The following ANKRD28 variants were observed in gnomAD, a reference collection of about 807,000 sequenced individuals.
ANKRD28 encodes serine/threonine-protein phosphatase 6 regulatory ankyrin repeat subunit A.
Under a neutral mutation model 126.5 loss-of-function variants are expected in ANKRD28, and 44 were observed. The ratio of observed to expected loss-of-function variants is 0.35; its 90% confidence interval spans 0.27 to 0.45. The LOEUF is 0.45. ANKRD28 is among the 20% of genes least tolerant of loss of function. The probability of loss-of-function intolerance (pLI) is 1.00; values close to 1 mark genes in which losing one functional copy is unlikely to be tolerated. For missense variants in ANKRD28, 1,110 were observed against 1,316.6 expected (o/e 0.84, Z 2.43); for synonymous variants, 442 against 468.5 (o/e 0.94, Z 0.73).
intron 1 of ANKRD28, among the ~76,000 whole-genome samples, chr3:15,832,609 C>A (rs2061229957): frequency 6.6e-6 from 1 of 152,106 alleles, no homozygotes; most frequent in Admixed American, 6.5e-5. Flanking sequence ...CAACCCTTGC[C>A]CACCTCCCAC....
At chr3:15,726,947 T>A (rs1216419245) in intron 6 of ANKRD28, among the ~76,000 whole-genome samples, 4 of 152,236 alleles carry the variant, frequency 2.6e-5, no homozygotes, top group Admixed American at 6.5e-5. Context: ...AAAGCCTGGA[T>A]GACAACACAT....
intron 2 of ANKRD28, among the ~76,000 whole-genome samples, chr3:15,775,593 T>G (rs2059225240): frequency 6.6e-6 from 1 of 152,208 alleles, no homozygotes; most frequent in Admixed American, 6.5e-5. Flanking sequence ...TTTCTCAGGT[T>G]TGATTAGTTT....
chr3:15,676,847 T>C lies in ANKRD28; in HGVS notation c.2873+127A>G, dbSNP rs974029784. 3 of 664,562 alleles carry C rather than the reference T, an allele frequency of 4.5e-6. No homozygotes were observed. The African/African-American group carries it at 5.5e-5, about 12-fold the overall frequency. 41.2% of individuals were successfully genotyped at this position (664,562 alleles called of 1,614,324 possible). A position where few individuals can be genotyped will look rare whatever the true frequency, so the allele number is the denominator to read the frequency against. On this transcript the variant is annotated intron_variant, in intron 26 of 27. Coordinates refer to ENST00000683139, the MANE Select transcript of ANKRD28 (RefSeq NM_001349278.2). ...TTTTAGAAATGAGTTTTGACAGTTGTAAAACTATTAAAATTGCTTCTATGA... is the reference window on the plus strand; with the variant it reads ...TTTTAGAAATGAGTTTTGACAGTTGCAAAACTATTAAAATTGCTTCTATGA...
intron 2 of ANKRD28, chr3:15,781,495 T>C (rs139404913): frequency 2.6e-5 from 4 of 152,224 alleles, no homozygotes; most frequent in Non-Finnish European, 5.9e-5. Context: ...AAATATTACA[T>C]TGTACTCTAC....
chr3:15,704,097 G>A (rs886288242), intron 14 of ANKRD28, among the ~76,000 whole-genome samples: 2 of 152,064 alleles, frequency 1.3e-5, no homozygotes, highest in African/African-American at 2.4e-5. Context: ...AGCCCTATAC[G>A]TATCTGCAAC....
At chr3:15,774,984 C>T (rs958354438) in intron 2 of ANKRD28, among the ~76,000 whole-genome samples, 1 of 115,896 alleles carries the variant, frequency 8.6e-6, no homozygotes, top group Non-Finnish European at 1.7e-5. Flanking sequence ...TCAAGCGATT[C>T]TCCTGCCTCA....
chr3:15,687,201 C>A (rs962823004), intron 18 of ANKRD28, among the ~76,000 whole-genome samples: 2 of 152,070 alleles, frequency 1.3e-5, no homozygotes, highest in Non-Finnish European at 2.9e-5. Context: ...CCTCGGCCTC[C>A]CAAAGTGCTG....
chr3:15,780,014 G>A (rs2059470245), intron 2 of ANKRD28, among the ~76,000 whole-genome samples: 1 of 152,086 alleles, frequency 6.6e-6, no homozygotes, highest in Non-Finnish European at 1.5e-5. Context: ...TAAGACGAGG[G>A]ACAAGAATGC....
In ANKRD28 at chr3:15,667,577, A is replaced by G. The variant is rs987551808; in HGVS notation, c.*2693T>C. On this transcript the variant is annotated 3_prime_UTR_variant, in exon 28 of 28. Transcript: ENST00000683139. Reference sequence around the variant, plus strand: ...AGGTGTAACCATAAAGGAAATTTCTACGGTGCTGTGTTCATTCATTCAAGT... The same window carrying G: ...AGGTGTAACCATAAAGGAAATTTCTGCGGTGCTGTGTTCATTCATTCAAGT... 2.6e-5 allele frequency: 4 copies of G among 152,268 alleles called. No homozygotes were observed. The highest frequency in any genetic ancestry group is 9.6e-5 in the African/African-American group (4 of 41,480). 9.4% of individuals were successfully genotyped at this position (152,268 alleles called of 1,614,324 possible). A position where few individuals can be genotyped will look rare whatever the true frequency, so the allele number is the denominator to read the frequency against.
In ANKRD28 at chr3:15,833,114, T is replaced by C. The variant is rs997240140; in HGVS notation, c.27+26263A>G. 1.3e-5 allele frequency among the ~76,000 whole-genome samples: 2 copies of C among 152,164 alleles called. No individual in the cohort carries two copies. The highest frequency in any genetic ancestry group is 2.9e-5 in the Non-Finnish European group (2 of 68,020). On this transcript the variant is annotated intron_variant, in intron 1 of 27. Coordinates refer to the ANKRD28 transcript ENST00000399451. This position sits in a 1 kb window ranked among gnomAD's most constrained non-coding sequence, Gnocchi z 4.4. Reference sequence around the variant, plus strand: ...TGGTTAAAACTGAGTGTCAACTTGATTGGATTGAAGGATGCAAAGTATTGA... The same window carrying C: ...TGGTTAAAACTGAGTGTCAACTTGACTGGATTGAAGGATGCAAAGTATTGA...
chr3:15,848,806 A>G (rs752464915), intron 1 of ANKRD28, among the ~76,000 whole-genome samples: 10 of 152,204 alleles, frequency 6.6e-5, no homozygotes, highest in Non-Finnish European at 1.3e-4. Context: ...GATCATGAAC[A>G]AGACAAGGAT....
At chr3:15,859,085 C>G (rs1289853231) in intron 1 of ANKRD28, among the ~76,000 whole-genome samples, 1 of 152,194 alleles carries the variant, frequency 6.6e-6, no homozygotes, top group Non-Finnish European at 1.5e-5. Context: ...AAAGAGGAAG[C>G]GATTGCCCGG....
chr3:15,735,651 A>G (rs571930801), intron 5 of ANKRD28, among the ~76,000 whole-genome samples, 154 bp from the exon 6 acceptor site: 54 of 152,314 alleles, frequency 3.5e-4, no homozygotes, highest in African/African-American at 1.3e-3. Flanking sequence ...AGGTCATTTA[A>G]CATAACAGGA....
intron 8 of ANKRD28, among the ~76,000 whole-genome samples, chr3:15,720,061 G>C (rs528896885): frequency 6.6e-6 from 1 of 152,010 alleles, no homozygotes; most frequent in African/African-American, 2.4e-5. Flanking sequence ...GTGGAGCCAG[G>C]TTATGCTGTC....
intron 4 of ANKRD28, among the ~76,000 whole-genome samples, chr3:15,745,845 T>C (rs1272506109): frequency 6.6e-6 from 1 of 152,176 alleles, no homozygotes. Context: ...TCCATGAGCA[T>C]GGGATATGTT....
rs549347818 is a variant in ANKRD28, at chr3:15,817,863, T to G, written c.28-22557A>C. 6.6e-6 allele frequency among the ~76,000 whole-genome samples: 1 copy of G among 152,282 alleles called. No individual in the cohort carries two copies. The highest frequency in any genetic ancestry group is 2.4e-5 in the African/African-American group (1 of 41,558). The stretch of plus-strand genomic sequence containing the variant: ...TGCTTGCATTCACAGACAACATGAT[T>G]GTCTTTATAGAAGATTCCATGGAAT... On this transcript the variant is annotated intron_variant, in intron 1 of 27. Coordinates refer to the ANKRD28 transcript ENST00000399451. This position sits in a 1 kb window ranked among gnomAD's most constrained non-coding sequence, Gnocchi z 4.5.
At chr3:15,825,798 T>C (rs75689655) in intron 1 of ANKRD28, among the ~76,000 whole-genome samples, 3,791 of 151,934 alleles carry the variant, frequency 0.025, 165 homozygotes, top group African/African-American at 0.085. Context: ...AAAGAAAAAA[T>C]AGGCAATTCA....
At chr3:15,793,062 G>A (rs547327940) in intron 2 of ANKRD28, among the ~76,000 whole-genome samples, 2 of 152,094 alleles carry the variant, frequency 1.3e-5, no homozygotes, top group South Asian at 4.2e-4. Flanking sequence ...AAAAACTTAA[G>A]AGAAACCTGA....
rs2061694314 is a variant in ANKRD28 at position 15,853,387 on chromosome 3, C to A, written c.27+5990G>T. ...CTAGAAAATTAAAAAGGAAATAAGA[C>A]AAAATGCTGAAAAAATGTATCCAAA... On this transcript the variant is annotated intron_variant, in intron 1 of 27. Transcript: ENST00000399451. This position sits in a 1 kb window ranked among gnomAD's most constrained non-coding sequence, Gnocchi z 4.2. Among the ~76,000 whole-genome samples, 1 of 152,206 alleles carries A rather than the reference C, an allele frequency of 6.6e-6. No individual in the cohort carries two copies. Among genetic ancestry groups the A allele is most frequent in the Middle Eastern group, 3.4e-3 (1 of 294 alleles).
Sources: allele counts gnomAD v4.1 joint callset (sites outside exome capture counted in the v4.1 genomes callset), GRCh38; gene constraint gnomAD v4.1.1; non-coding constraint Gnocchi (gnomAD v3.1); transcripts MANE v1.5; gene names NCBI Gene and HGNC (gene_info 2026-07-23, HGNC 2026-07-21).